The following OVCH1 variants were observed in gnomAD, a reference collection of about 807,000 sequenced individuals.
The protein encoded by OVCH1 is ovochymase-1.
OVCH1 carries 139 observed loss-of-function variants against 138.4 expected under a neutral mutation model. The observed-to-expected ratio is 1.00, with a 90% CI of 0.87 to 1.16. OVCH1 has a LOEUF of 1.16. Ranked by LOEUF, OVCH1 falls within the 50% of genes most tolerant of loss-of-function variation. OVCH1 has a pLI of 0.00. For synonymous variants in OVCH1, 453 were observed against 467.8 expected (o/e 0.97, Z 0.41); for missense variants, 1,367 against 1,357.9 (o/e 1.01, Z -0.11).
At chr12:29,494,257 A>G (rs1328438433) in intron 4 of OVCH1, among the ~76,000 whole-genome samples, 1 of 152,148 alleles carries the variant, frequency 6.6e-6, no homozygotes, top group African/African-American at 2.4e-5. Context: ...GATCTTAAAG[A>G]TCAATTTGAT....
Position 29,491,087 on chromosome 12 carries a change from T to C in OVCH1, c.550+10A>G, listed in dbSNP as rs1356201325. On this transcript the variant is annotated intron_variant, in intron 5 of 27. Transcript: ENST00000318184. ...TGGAAGAAGTATTAAGTCATTTTGG[T>C]GTCTCTTACTTTTGGAAATCTTGCC... 2 of 1,607,050 alleles carry C rather than the reference T, an allele frequency of 1.2e-6. No homozygotes were observed. The highest frequency in any genetic ancestry group is 1.7e-5 in the Admixed American group (1 of 59,942).
the OVCH1 span, among the ~76,000 whole-genome samples, chr12:29,405,057 CAAAA>C: frequency 1.2e-5 from 1 of 84,494 alleles, no homozygotes; most frequent in African/African-American, 4.9e-5. Flanking sequence ...AAAAAAAAAA[CAAAA>C]GAAATGATCA....
intron 25 of OVCH1, 143 bp downstream of exon 25, chr12:29,443,218 G>T: frequency 1.2e-6 from 1 of 808,958 alleles, no homozygotes; most frequent in Non-Finnish European, 1.8e-6. Flanking sequence ...TCTGACACAA[G>T]TTTAACAGTA....
At chr12:29,472,971 C>T (rs1934291090) in intron 15 of OVCH1, 58 bp downstream of exon 15, 2 of 1,418,120 alleles carry the variant, frequency 1.4e-6, no homozygotes, top group Non-Finnish European at 9.8e-7. Context: ...CCAAAAGAGA[C>T]ATCTAGTTAA....
the OVCH1 span, among the ~76,000 whole-genome samples, chr12:29,405,815 T>G: frequency 6.6e-6 from 1 of 152,238 alleles, no homozygotes; most frequent in African/African-American, 2.4e-5. Flanking sequence ...TTGGTTTCAT[T>G]GTGATCTCAT....
At chr12:29,405,030 AAAAAAAAAAAAAAAAAAAAAAAAAAAC>A in the OVCH1 span, among the ~76,000 whole-genome samples, 2 of 88,362 alleles carry the variant, frequency 2.3e-5, no homozygotes, top group African/African-American at 9.0e-5. Context: ...TCAAAAAAAA[AAAAAAAAAAAAAAAAAAAAAAAAAAAC>A]AAAAGAAATG....
chr12:29,455,184 C>G, intron 20 of OVCH1, 65 bp downstream of exon 20: 1 of 1,528,590 alleles, frequency 6.5e-7, no homozygotes, highest in African/African-American at 1.4e-5. Flanking sequence ...ATACCACACT[C>G]ACTGTTCCCA....
chr12:29,458,354 C>G (rs1315106287), intron 19 of OVCH1, among the ~76,000 whole-genome samples: 1 of 151,328 alleles, frequency 6.6e-6, no homozygotes, highest in Non-Finnish European at 1.5e-5. Context: ...ACATTGAACT[C>G]ATTTTTGACA....
At chr12:29,434,448 AAAG>A (rs1390614144) in intron 26 of OVCH1, among the ~76,000 whole-genome samples, 6 of 152,182 alleles carry the variant, frequency 3.9e-5, no homozygotes, top group Admixed American at 2.0e-4. Flanking sequence ...CAAATGAAAC[AAAG>A]AATTACAATC....
intron 5 of OVCH1, among the ~76,000 whole-genome samples, chr12:29,490,886 C>A (rs1244575296): frequency 1.3e-5 from 2 of 152,180 alleles, no homozygotes; most frequent in Admixed American, 6.5e-5. Flanking sequence ...CTTTATCTGC[C>A]ATACCAAATT....
chr12:29,445,783 A>G (rs1239540110), intron 22 of OVCH1, among the ~76,000 whole-genome samples: 1 of 152,078 alleles, frequency 6.6e-6, no homozygotes. Context: ...TTCCTACCTG[A>G]AAATTTATTA....
At chr12:29,443,482 T>C in exon 25 of OVCH1, 1 of 1,603,630 alleles carries the variant, frequency 6.2e-7, no homozygotes, top group Non-Finnish European at 8.5e-7. Flanking sequence ...TTAAAGGGGC[T>C]ACTAATCTCC....
intron 12 of OVCH1, among the ~76,000 whole-genome samples, chr12:29,476,754 C>CGCGCGCGT (rs1415744067): frequency 1.1e-4 from 1 of 8,806 alleles, no homozygotes; most frequent in African/African-American, 1.4e-4. Flanking sequence ...TACACACGCG[C>CGCGCGCGT]GCACACACAC....
chr12:29,475,312 C>A, intron 13 of OVCH1, 123 bp from the exon 14 acceptor site: 2 of 680,818 alleles, frequency 2.9e-6, no homozygotes, highest in Non-Finnish European at 4.6e-6. Flanking sequence ...GATTTGTATG[C>A]ACCCTTACAT....
chr12:29,414,150 C>T (rs1308728300), intron 3 of OVCH1, among the ~76,000 whole-genome samples: 9 of 151,750 alleles, frequency 5.9e-5, no homozygotes, highest in African/African-American at 1.7e-4. Context: ...CTCAGTCTCC[C>T]GAGTAGCTGG....
chr12:29,486,429 GA>G, intron 7 of OVCH1, 81 bp from the exon 8 acceptor site: 1 of 1,095,270 alleles, frequency 9.1e-7, no homozygotes, highest in Non-Finnish European at 1.3e-6. Context: ...GAAGTTAAAA[GA>G]ATATGAAGAA....
Position 29,471,923 on chromosome 12 carries a change from C to T in OVCH1, c.1735G>A (p.Glu579Lys), listed in dbSNP as rs751832154. Residue 579 changes from glutamate to lysine, a missense_variant, in exon 16 of 28, where the codon GAA (glutamate) becomes AAA (lysine). Physicochemically the swap from Glu to Lys is moderately conservative, Grantham distance 56. Transcript: ENST00000318184. ...GGCCAACAGTGGGGGCAGGCTTCTT[C>T]CCCTCCTGCGATTCTTCTGGAAAGC... 5.0e-6 allele frequency: 8 copies of T among 1,613,462 alleles called. No individual in the cohort carries two copies. In the South Asian group the frequency reaches 8.8e-5, roughly 18 times the overall value.
the OVCH1 span, among the ~76,000 whole-genome samples, chr12:29,403,475 G>GA: frequency 6.6e-6 from 1 of 151,790 alleles, no homozygotes; most frequent in African/African-American, 2.4e-5. Context: ...TGTAAAATAA[G>GA]AAAAAAAAGT....
intron 8 of OVCH1, among the ~76,000 whole-genome samples, chr12:29,480,408 C>G (rs1354195514): frequency 6.6e-6 from 1 of 152,136 alleles, no homozygotes; most frequent in African/African-American, 2.4e-5. Context: ...AGTACTTTCT[C>G]AAATTGTTCC....
Sources: allele counts gnomAD v4.1 joint callset (sites outside exome capture counted in the v4.1 genomes callset), GRCh38; gene constraint gnomAD v4.1.1; transcripts MANE v1.5; gene names NCBI Gene and HGNC (gene_info 2026-07-23, HGNC 2026-07-21).